The following MYO5B variants were observed in gnomAD, a reference collection of about 807,000 sequenced individuals.
MYO5B encodes the protein unconventional myosin-Vb.
Under a neutral mutation model 229.3 loss-of-function variants are expected in MYO5B, and 143 were observed. The ratio of observed to expected loss-of-function variants is 0.62; its 90% CI spans 0.54 to 0.72. MYO5B has a LOEUF of 0.72. Among genes scored for constraint, MYO5B ranks in the 30% least tolerant of loss-of-function variants. The pLI, the probability that MYO5B is intolerant of heterozygous loss-of-function variation, is 0.00. For missense variants in MYO5B, 2,321 were observed against 2,331.0 expected (o/e 1.00, Z 0.09); for synonymous variants, 918 against 885.2 (o/e 1.04, Z -0.66).
At chr18:50,043,384 TAA>T (rs1274925492) in intron 2 of MYO5B, among the ~76,000 whole-genome samples, 1 of 90,964 alleles carries the variant, frequency 1.1e-5, no homozygotes. Context: ...TATAATATAT[TAA>T]ATATATTTAA....
intron 1 of MYO5B, among the ~76,000 whole-genome samples, chr18:50,105,331 T>C (rs931793468): frequency 6.6e-6 from 1 of 152,144 alleles, no homozygotes; most frequent in African/African-American, 2.4e-5. Flanking sequence ...GGCTCCCCTT[T>C]ATGTTGTTCA....
intron 1 of MYO5B, among the ~76,000 whole-genome samples, chr18:50,192,843 T>TA (rs1170760341): frequency 6.6e-6 from 1 of 152,188 alleles, no homozygotes; most frequent in South Asian, 2.1e-4. Flanking sequence ...TGGTATAACT[T>TA]AAAAAAGTGT....
chr18:49,844,806 T>C (rs1374967850), intron 33 of MYO5B, among the ~76,000 whole-genome samples: 2 of 152,252 alleles, frequency 1.3e-5, no homozygotes, highest in African/African-American at 4.8e-5. Flanking sequence ...TTGTCCTGTC[T>C]TGGAATGTTC....
At chr18:50,142,433 T>C (rs1360164461) in intron 1 of MYO5B, among the ~76,000 whole-genome samples, 1 of 152,202 alleles carries the variant, frequency 6.6e-6, no homozygotes, top group African/African-American at 2.4e-5. Flanking sequence ...CAGATATTCA[T>C]GAGCAACCAA....
intron 17 of MYO5B, 82 bp from the exon 18 acceptor site, chr18:49,912,255 C>T (rs1362324703): frequency 3.0e-6 from 3 of 996,302 alleles, no homozygotes; most frequent in East Asian, 4.8e-5. Context: ...CAGACAGTTC[C>T]CTATGGGGTC....
intron 14 of MYO5B, among the ~76,000 whole-genome samples, chr18:49,938,736 C>G (rs922186376): frequency 6.6e-6 from 1 of 152,216 alleles, no homozygotes; most frequent in Non-Finnish European, 1.5e-5. Flanking sequence ...GTTGCTGTCT[C>G]ATAGGCACAA....
intron 1 of MYO5B, among the ~76,000 whole-genome samples, chr18:50,129,808 G>A (rs1191822929): frequency 6.6e-6 from 1 of 152,146 alleles, no homozygotes; most frequent in African/African-American, 2.4e-5. Flanking sequence ...ACCAAATCAT[G>A]GGACTAGTAC....
intron 4 of MYO5B, among the ~76,000 whole-genome samples, chr18:50,027,009 C>G (rs2026338081): frequency 1.3e-5 from 2 of 152,164 alleles, no homozygotes. Context: ...TGCTGCAAAA[C>G]TCAGGCCCAT....
intron 14 of MYO5B, among the ~76,000 whole-genome samples, chr18:49,940,960 G>T (rs1009998346): frequency 2.0e-5 from 3 of 152,174 alleles, no homozygotes; most frequent in African/African-American, 7.2e-5. Flanking sequence ...CTCATTCTTA[G>T]TTATTACAAA....
intron 4 of MYO5B, among the ~76,000 whole-genome samples, chr18:50,016,621 T>C (rs1163104006): frequency 6.6e-6 from 1 of 152,202 alleles, no homozygotes; most frequent in Non-Finnish European, 1.5e-5. Context: ...AAATATCTTC[T>C]CCAAATCTGT....
chr18:49,847,276 C>T lies in MYO5B; in HGVS notation c.4329G>A (p.Leu1443=), dbSNP rs2024141584. ...CATGGCGCTTCCTCTCACTCTGGGC[C>T]AATGCCTGGGCAGCTGAGCAGGAAA... The part of the protein sequence containing the change: ...KAQDLEAAQA[L]AQSERKRHEL... Residue 1443 remains leucine (L), a synonymous_variant, in exon 33 of 40, where the codon TTG becomes TTA. Coordinates refer to ENST00000285039, the MANE Select transcript of MYO5B (RefSeq NM_001080467.3). 7 of 1,613,568 alleles carry T rather than the reference C, an allele frequency of 4.3e-6. 1 individual carries two copies. The highest frequency in any genetic ancestry group is 1.8e-4 in the Middle Eastern group (1 of 5,596).
At chr18:50,057,442 A>G (rs2030577137) in intron 1 of MYO5B, among the ~76,000 whole-genome samples, 1 of 152,222 alleles carries the variant, frequency 6.6e-6, no homozygotes, top group African/African-American at 2.4e-5. Flanking sequence ...GAAAATCCCA[A>G]CAGGAACCGA....
chr18:49,917,466 CGTTT>C (rs1568030350), intron 17 of MYO5B, among the ~76,000 whole-genome samples: 2 of 37,534 alleles, frequency 5.3e-5, no homozygotes, highest in East Asian at 3.6e-4. Context: ...GTTTGTAAAA[CGTTT>C]ACTCCAGACC....
intron 1 of MYO5B, among the ~76,000 whole-genome samples, chr18:50,122,457 A>AAAAAAAAAG: frequency 6.8e-6 from 1 of 146,336 alleles, no homozygotes. Flanking sequence ...AAAAAAAAAA[A>AAAAAAAAAG]AAAATCAGCC....
At chr18:50,142,188 T>C (rs2032427859) in intron 1 of MYO5B, among the ~76,000 whole-genome samples, 1 of 152,200 alleles carries the variant, frequency 6.6e-6, no homozygotes, top group South Asian at 2.1e-4. Context: ...TGGCTTCTGC[T>C]CCATGTTCAT....
At chr18:49,905,496 C>G (rs2024889346) in intron 19 of MYO5B, among the ~76,000 whole-genome samples, 1 of 152,152 alleles carries the variant, frequency 6.6e-6, no homozygotes, top group Admixed American at 6.5e-5. Context: ...CAATTAGAGA[C>G]TCAGTGTGAA....
intron 18 of MYO5B, 61 bp downstream of exon 18, chr18:49,912,001 A>AC: frequency 8.0e-7 from 1 of 1,250,022 alleles, no homozygotes. Flanking sequence ...TAACGACGCC[A>AC]CCCCCTCAAT....
chr18:49,895,205 G>C, intron 21 of MYO5B, 31 bp from the exon 22 acceptor site: 1 of 1,573,212 alleles, frequency 6.4e-7, no homozygotes, highest in Non-Finnish European at 8.7e-7. Flanking sequence ...CAAGGAGAAG[G>C]GAGAAGAAGT....
intron 10 of MYO5B, among the ~76,000 whole-genome samples, chr18:49,965,144 G>C (rs529052788): frequency 6.6e-6 from 1 of 152,182 alleles, no homozygotes; most frequent in Non-Finnish European, 1.5e-5. Flanking sequence ...AGGGCCTGAC[G>C]TACACTGCTG....
Sources: allele counts gnomAD v4.1 joint callset (sites outside exome capture counted in the v4.1 genomes callset), GRCh38; gene constraint gnomAD v4.1.1; transcripts MANE v1.5; gene names NCBI Gene and HGNC (gene_info 2026-07-23, HGNC 2026-07-21).